LPP: variants seen among roughly 807,000 people sequenced by gnomAD.
LPP encodes the protein lipoma-preferred partner.
LPP carries 38 observed loss-of-function variants against 60.4 expected under a neutral mutation model. The observed-to-expected ratio is 0.63, with a 90% CI of 0.49 to 0.83. LPP has a LOEUF of 0.83. Among genes scored for constraint, LPP ranks in the 40% least tolerant of loss-of-function variants. The pLI, the probability that LPP is intolerant of heterozygous loss-of-function variation, is 0.00. For missense variants in LPP, 902 were observed against 783.6 expected, an observed-to-expected ratio of 1.15 and a Z score of -1.80; for synonymous variants, 328 against 290.8, an observed-to-expected ratio of 1.13 and a Z score of -1.30.
intron 2 of LPP, among the ~76,000 whole-genome samples, chr3:188,321,118 C>G (rs1223827141): frequency 2.0e-5 from 3 of 152,188 alleles, no homozygotes; most frequent in Non-Finnish European, 4.4e-5. Context: ...ATTGGGAGAA[C>G]TGGGTCTGCC....
At chr3:188,590,387 A>G (rs1838420307) in intron 6 of LPP, among the ~76,000 whole-genome samples, 1 of 152,110 alleles carries the variant, frequency 6.6e-6, no homozygotes, top group Non-Finnish European at 1.5e-5. Flanking sequence ...AGCCTGGCCA[A>G]CATGGTGAAA....
intron 8 of LPP, among the ~76,000 whole-genome samples, chr3:188,721,517 G>A (rs750612769): frequency 1.6e-4 from 24 of 152,106 alleles, no homozygotes; most frequent in Admixed American, 4.6e-4. Flanking sequence ...TTGCACCACC[G>A]CACTCCAGCC....
rs1444786100 is a variant in LPP, at chr3:188,406,146, C to A, written c.26C>A (p.Pro9His). ...ATGTCTCACCCATCTTGGCTGCCAC[C>A]CAAAAGCACTGGTGAGCCCCTCGGC... The part of the protein sequence containing the change: MSHPSWLP[P>H]KSTGEPLGHV... Residue 9 changes from proline to histidine, a missense_variant, in exon 4 of 12, where the codon CCC (proline) becomes CAC (histidine). By Grantham distance (77) the Pro-to-His change is moderately conservative (BLOSUM62 -2). Transcript: ENST00000617246. The A allele has an allele frequency of 6.2e-7, 1 of 1,613,262 alleles. No individual in the cohort carries two copies. The highest frequency in any genetic ancestry group is 1.1e-5 in the South Asian group (1 of 90,890).
intron 7 of LPP, among the ~76,000 whole-genome samples, chr3:188,705,114 A>G (rs1432359626): frequency 2.0e-5 from 3 of 152,214 alleles, no homozygotes; most frequent in Non-Finnish European, 4.4e-5. Context: ...ATTTATATTC[A>G]TGGATTACAA....
chr3:188,201,612 C>T (rs1731105552), intron 1 of LPP, among the ~76,000 whole-genome samples: 2 of 152,104 alleles, frequency 1.3e-5, no homozygotes, highest in Non-Finnish European at 2.9e-5. Context: ...GAGGCTGAGG[C>T]AGGAGAGTGG....
At chr3:188,673,536 CT>C (rs1291343368) in intron 7 of LPP, among the ~76,000 whole-genome samples, 1 of 152,144 alleles carries the variant, frequency 6.6e-6, no homozygotes, top group African/African-American at 2.4e-5. Flanking sequence ...GCTTTGGTCT[CT>C]CTGAGACTTT....
intron 8 of LPP, among the ~76,000 whole-genome samples, chr3:188,753,761 G>C (rs145377888): frequency 1.3e-5 from 2 of 152,094 alleles, no homozygotes; most frequent in East Asian, 1.9e-4. Flanking sequence ...CTTGTTGCGA[G>C]TGTTTGAGTG....
intron 9 of LPP, among the ~76,000 whole-genome samples, chr3:188,795,119 G>A (rs1369790879): frequency 6.6e-6 from 1 of 152,078 alleles, no homozygotes; most frequent in Non-Finnish European, 1.5e-5. Context: ...TGGCGACAGA[G>A]CAAAACTCCG....
intron 8 of LPP, among the ~76,000 whole-genome samples, chr3:188,719,922 G>A (rs1053160643): frequency 5.9e-5 from 9 of 151,408 alleles, no homozygotes; most frequent in African/African-American, 2.2e-4. Context: ...TTGTTGTTTT[G>A]TTTTGTCTGA....
chr3:188,237,734 C>CAG (rs34486637), intron 2 of LPP, among the ~76,000 whole-genome samples: 96,629 of 151,660 alleles, frequency 0.64, 31,207 homozygotes, highest in Middle Eastern at 0.69. Context: ...ATGCTGGAAA[C>CAG]AGTGCTTTCA....
intron 7 of LPP, among the ~76,000 whole-genome samples, chr3:188,684,424 G>C (rs1860207646): frequency 6.6e-6 from 1 of 152,214 alleles, no homozygotes; most frequent in African/African-American, 2.4e-5. Context: ...TATCCATGGA[G>C]TTATGCCAGT....
chr3:188,647,356 T>C (rs908213642), intron 7 of LPP, among the ~76,000 whole-genome samples: 2 of 152,096 alleles, frequency 1.3e-5, no homozygotes, highest in Non-Finnish European at 2.9e-5. Context: ...AATTGGGAGA[T>C]AGGGCTTCAT....
intron 2 of LPP, among the ~76,000 whole-genome samples, chr3:188,300,454 ATTTTTTT>A (rs34492581): frequency 3.4e-4 from 42 of 125,204 alleles, no homozygotes; most frequent in East Asian, 1.2e-3. Flanking sequence ...ACACTTGGCC[ATTTTTTT>A]TTTTTTTTTT....
At chr3:188,762,661 G>C (rs938783172) in intron 9 of LPP, among the ~76,000 whole-genome samples, 2 of 151,926 alleles carry the variant, frequency 1.3e-5, no homozygotes, top group African/African-American at 4.8e-5. Context: ...CTTCTTCTTT[G>C]GTTTGTTGTT....
chr3:188,753,764 T>C (rs1729000349), intron 8 of LPP, among the ~76,000 whole-genome samples: 1 of 152,126 alleles, frequency 6.6e-6, no homozygotes, highest in Admixed American at 6.6e-5. Flanking sequence ...GTTGCGAGTG[T>C]TTGAGTGTGG....
At chr3:188,434,838 A>G (rs1324094701) in intron 4 of LPP, among the ~76,000 whole-genome samples, 1 of 152,208 alleles carries the variant, frequency 6.6e-6, no homozygotes, top group Non-Finnish European at 1.5e-5. Context: ...CTTGGAATTT[A>G]TAGCTGGATG....
chr3:188,449,056 G>T (rs1024893152), intron 4 of LPP, among the ~76,000 whole-genome samples: 2 of 152,216 alleles, frequency 1.3e-5, no homozygotes, highest in Non-Finnish European at 2.9e-5. Flanking sequence ...TTATTGTGTG[G>T]TAGGAAATCC....
intron 5 of LPP, among the ~76,000 whole-genome samples, chr3:188,508,736 A>G (rs545500956): frequency 6.6e-6 from 1 of 152,346 alleles, no homozygotes; most frequent in East Asian, 1.9e-4. Context: ...GAAACTGTCG[A>G]ATGAGAGAAA....
intron 2 of LPP, among the ~76,000 whole-genome samples, chr3:188,309,398 T>A (rs1752674503): frequency 6.6e-6 from 1 of 152,102 alleles, no homozygotes; most frequent in Admixed American, 6.5e-5. Flanking sequence ...TGGAGTTAGA[T>A]TGAGCGCACC....
Sources: allele counts gnomAD v4.1 joint callset (sites outside exome capture counted in the v4.1 genomes callset), GRCh38; gene constraint gnomAD v4.1.1; transcripts MANE v1.5; gene names NCBI Gene and HGNC (gene_info 2026-07-23, HGNC 2026-07-21).